Variants in DNAH6 observed in about 807,000 individuals in gnomAD.
DNAH6 encodes the protein axonemal beta dynein heavy chain 6.
A neutral mutation model predicts 491.4 loss-of-function variants in DNAH6; 340 were observed. The ratio of observed to expected loss-of-function variants is 0.69; its 90% CI spans 0.63 to 0.76. The LOEUF (loss-of-function observed/expected upper bound fraction) is 0.76, where lower values mean the gene tolerates loss of function less well. Ranked by LOEUF, DNAH6 falls within the 30% of genes least tolerant of loss-of-function variation. The probability of loss-of-function intolerance (pLI) is 0.00; values close to 1 mark genes in which losing one functional copy is unlikely to be tolerated. For missense variants in DNAH6, 4,443 were observed against 4,972.2 expected (o/e 0.89, Z 3.20); for synonymous variants, 1,603 against 1,686.1 (o/e 0.95, Z 1.21).
intron 62 of DNAH6, among the ~76,000 whole-genome samples, chr2:84,741,134 C>A (rs920045332): frequency 6.6e-6 from 1 of 151,968 alleles, no homozygotes; most frequent in African/African-American, 2.4e-5. Context: ...CGTAGCAAGG[C>A]ATTGGACATT....
Position 84,762,802 on chromosome 2 carries a change from G to A in DNAH6, c.10560G>A (p.Gln3520=). 1 of 1,551,286 alleles carries A rather than the reference G, an allele frequency of 6.4e-7. No individual in the cohort carries two copies. Residue 3520 remains glutamine (Q), a synonymous_variant, in exon 64 of 77, where the codon CAG becomes CAA. Coordinates refer to ENST00000389394, the MANE Select transcript of DNAH6 (RefSeq NM_001370.2). ...TDFVIENLGK[Q]FIETPPVDLP... is the part of the protein sequence containing the mutation. The stretch of plus-strand genomic sequence containing the variant: ...TTGTGATAGAAAATCTTGGAAAACA[G>A]TTTATAGAGACACCACCTGTGGACC...
intron 76 of DNAH6, among the ~76,000 whole-genome samples, chr2:84,817,976 T>C (rs577293618): frequency 4.6e-5 from 7 of 152,226 alleles, no homozygotes; most frequent in East Asian, 3.9e-4. Context: ...ATCTCCAACA[T>C]TGGGGATCAA....
chr2:84,639,620 G>A (rs775109086), intron 31 of DNAH6, among the ~76,000 whole-genome samples: 7 of 151,812 alleles, frequency 4.6e-5, no homozygotes, highest in South Asian at 2.1e-4. Context: ...GGGTTTCACC[G>A]TGTTGGTCAG....
intron 33 of DNAH6, among the ~76,000 whole-genome samples, chr2:84,645,274 C>A (rs1316304741): frequency 6.6e-6 from 1 of 152,132 alleles, no homozygotes; most frequent in East Asian, 1.9e-4. Context: ...ACAAAATTAG[C>A]TGGGCATGGT....
At chr2:84,553,360 TTTTCTTTTCTTTCTTTCTTTC>T (rs1251419360) in intron 10 of DNAH6, among the ~76,000 whole-genome samples, 8,037 of 112,946 alleles carry the variant, frequency 0.071, 548 homozygotes, top group African/African-American at 0.085. Flanking sequence ...TTTTCTTTTC[TTTTCTTTTCTTTCTTTCTTTC>T]TTTCTTTCTT....
chr2:84,648,666 C>T (rs1162821255), intron 33 of DNAH6, among the ~76,000 whole-genome samples: 2 of 152,192 alleles, frequency 1.3e-5, no homozygotes, highest in Non-Finnish European at 2.9e-5. Context: ...GACTGAATTG[C>T]TGCGATCTCA....
intron 37 of DNAH6, among the ~76,000 whole-genome samples, chr2:84,666,390 C>CA (rs1341090554): frequency 6.6e-6 from 1 of 152,158 alleles, no homozygotes; most frequent in Non-Finnish European, 1.5e-5. Flanking sequence ...AGCTGATAAG[C>CA]AACTTCAGCA....
chr2:84,472,236 A>G, the DNAH6 span, among the ~76,000 whole-genome samples: 1 of 151,670 alleles, frequency 6.6e-6, no homozygotes, highest in Non-Finnish European at 1.5e-5. Context: ...TTTTGAAAGT[A>G]TGATTAGCTC....
intron 48 of DNAH6, among the ~76,000 whole-genome samples, chr2:84,700,157 G>A (rs1042374157): frequency 2.0e-5 from 3 of 152,190 alleles, no homozygotes; most frequent in African/African-American, 7.2e-5. Context: ...ATGCATGTGT[G>A]CTGATGTAAA....
At chr2:84,553,083 T>C (rs747103190) in intron 10 of DNAH6, 49 bp downstream of exon 10, 6 of 1,116,572 alleles carry the variant, frequency 5.4e-6, no homozygotes, top group East Asian at 2.5e-5. Flanking sequence ...ATTTGGAAAA[T>C]GAAGCAGCTG....
Position 84,694,522 on chromosome 2 carries a change from T to C in DNAH6, c.7524+42T>C, listed in dbSNP as rs935628403. 2.1e-6 allele frequency: 3 copies of C among 1,411,426 alleles called. No homozygotes were observed. In the African/African-American group the frequency reaches 4.3e-5, roughly 20 times the overall value. The allele number at this position is 1,411,426 out of a possible 1,614,324, so 87.4% of individuals were successfully genotyped here. A position where few individuals can be genotyped will look rare whatever the true frequency, so the allele number is the denominator to read the frequency against. On this transcript the variant is annotated intron_variant, in intron 46 of 76. Transcript: ENST00000389394. ...CCCATGGGTGAGAACAGGAAATGTA[T>C]GGGTGTTACAATCGGGTGTGTGCTT...
upstream of DNAH6, among the ~76,000 whole-genome samples, chr2:84,511,615 A>C (rs921795034): frequency 1.3e-5 from 2 of 151,740 alleles, no homozygotes; most frequent in African/African-American, 4.8e-5. Context: ...AGTGAGACGA[A>C]CCCAGTACCT....
intron 35 of DNAH6, among the ~76,000 whole-genome samples, chr2:84,656,689 C>A (rs1691002638): frequency 6.6e-6 from 1 of 151,948 alleles, no homozygotes; most frequent in African/African-American, 2.4e-5. Context: ...GAATTCAATT[C>A]TTTATCAGAT....
intron 33 of DNAH6, among the ~76,000 whole-genome samples, chr2:84,643,894 T>TTG (rs149760717): frequency 0.062 from 9,140 of 146,800 alleles, 332 homozygotes; most frequent in Middle Eastern, 0.14. Context: ...TCTCTTCAAA[T>TTG]TGTGTTTTTT....
chr2:84,800,666 A>T (rs2105300317), intron 70 of DNAH6, among the ~76,000 whole-genome samples: 1 of 152,306 alleles, frequency 6.6e-6, no homozygotes, highest in Admixed American at 6.5e-5. Context: ...TCAGAGCTCA[A>T]AGTTTGGTCC....
At chr2:84,472,699 AT>A in the DNAH6 span, among the ~76,000 whole-genome samples, 2 of 152,224 alleles carry the variant, frequency 1.3e-5, no homozygotes, top group Admixed American at 6.5e-5. Context: ...GGGTTAAAGA[AT>A]GAAATGTTTG....
Position 84,544,473 on chromosome 2 carries a change from A to C in DNAH6, c.903A>C (p.Leu301=). The change falls in exon 5 of 77, where the codon CTA becomes CTC. Residue 301 remains leucine, a synonymous_variant. Transcript: ENST00000389394. ...AAATCACTGGATGTCAAAAATCTCT[A>C]CAAAAAAATTTGTTCATTGTTAATC... is the stretch of plus-strand genomic sequence containing the variant. ...SKKITGCQKS[L]QKNLFIVNPH... The C allele has an allele frequency of 5.3e-6, 8 of 1,502,714 alleles. No homozygotes were observed. Among genetic ancestry groups the C allele is most frequent in the Non-Finnish European group, 7.3e-6 (8 of 1,103,326 alleles). 93.1% of individuals were successfully genotyped at this position (1,502,714 alleles called of 1,614,324 possible). A position where few individuals can be genotyped will look rare whatever the true frequency, so the allele number is the denominator to read the frequency against.
intron 3 of DNAH6, among the ~76,000 whole-genome samples, chr2:84,527,504 C>T (rs1676717005): frequency 6.6e-6 from 1 of 152,110 alleles, no homozygotes; most frequent in South Asian, 2.1e-4. Flanking sequence ...AAAATAAATG[C>T]ATTTTCTGTT....
chr2:84,485,289 G>A, the DNAH6 span, among the ~76,000 whole-genome samples: 11 of 152,200 alleles, frequency 7.2e-5, no homozygotes, highest in African/African-American at 2.6e-4. Flanking sequence ...GAGGGAGCCT[G>A]GAATGAGTTT....
Sources: allele counts gnomAD v4.1 joint callset (sites outside exome capture counted in the v4.1 genomes callset), GRCh38; gene constraint gnomAD v4.1.1; transcripts MANE v1.5; gene names NCBI Gene and HGNC (gene_info 2026-07-23, HGNC 2026-07-21).